The following PHYHD1 variants were observed in gnomAD, a reference collection of about 807,000 sequenced individuals.
The protein encoded by PHYHD1 is phytanoyl-CoA dioxygenase domain-containing protein 1.
In PHYHD1, 42 loss-of-function variants were observed where a neutral mutation model predicts 43.6. The observed-to-expected ratio is 0.96, with a 90% CI of 0.75 to 1.25. The LOEUF (loss-of-function observed/expected upper bound fraction) is 1.25. Ranked by LOEUF, PHYHD1 falls within the 50% of genes most tolerant of loss-of-function variation. PHYHD1 has a pLI of 0.00. For missense variants in PHYHD1, 342 were observed against 370.8 expected (o/e 0.92, Z 0.64); for synonymous variants, 139 against 143.6 (o/e 0.97, Z 0.23).
At chr9:128,928,102 C>T (rs1272507688) in intron 4 of PHYHD1, among the ~76,000 whole-genome samples, 3 of 152,200 alleles carry the variant, frequency 2.0e-5, no homozygotes, top group Non-Finnish European at 4.4e-5. Flanking sequence ...CCGAGGAGCA[C>T]CTGCCATCTG....
At position 128,921,164 on chromosome 9, in the gene PHYHD1, T is replaced by C. The variant is rs906997849; in HGVS notation, c.-664T>C. ...ACTCTGTCGTCCAGGCTGGAGTGAG[T>C]GCCGTGGCATGATCTCGGCTCACTG... is the stretch of plus-strand genomic sequence containing the variant. On this transcript the variant is annotated 5_prime_UTR_variant, in exon 1 of 13. Transcript: ENST00000372592. The C allele has an allele frequency of 2.6e-5, 4 of 152,400 alleles. No homozygotes were observed. The highest frequency in any genetic ancestry group is 9.7e-5 in the African/African-American group (4 of 41,400). 9.4% of individuals were successfully genotyped at this position (152,400 alleles called of 1,614,324 possible).
chr9:128,934,945 C>T (rs1841389665), intron 6 of PHYHD1, among the ~76,000 whole-genome samples: 1 of 152,100 alleles, frequency 6.6e-6, no homozygotes, highest in South Asian at 2.1e-4. Context: ...TGGGCATGTG[C>T]AGGCTCTCTA....
chr9:128,933,516 C>G (rs549334556), intron 4 of PHYHD1, among the ~76,000 whole-genome samples: 164 of 152,114 alleles, frequency 1.1e-3, no homozygotes, highest in Non-Finnish European at 2.1e-3. Flanking sequence ...TGCTAGGGAA[C>G]CAGCCCTATT....
intron 9 of PHYHD1, 153 bp downstream of exon 9, chr9:128,937,931 C>G: frequency 1.3e-6 from 2 of 1,523,446 alleles, no homozygotes; most frequent in Non-Finnish European, 1.8e-6. Flanking sequence ...ATTCCTTCCC[C>G]TGATAGTGGA....
At chr9:128,933,279 G>A (rs1017390864) in intron 4 of PHYHD1, among the ~76,000 whole-genome samples, 3 of 150,000 alleles carry the variant, frequency 2.0e-5, no homozygotes, top group Middle Eastern at 3.5e-3. Context: ...TCAGCCTCCC[G>A]GGTACCTGGG....
intron 3 of PHYHD1, among the ~76,000 whole-genome samples, chr9:128,925,062 T>C (rs945355018): frequency 3.3e-5 from 5 of 152,164 alleles, no homozygotes; most frequent in African/African-American, 1.2e-4. Context: ...TTGATACTGA[T>C]GTGATTAATT....
intron 4 of PHYHD1, among the ~76,000 whole-genome samples, chr9:128,931,774 G>C (rs148060099): frequency 6.6e-6 from 1 of 151,794 alleles, no homozygotes; most frequent in Non-Finnish European, 1.5e-5. Context: ...TGATCCGTCC[G>C]CCTCAGCCTC....
At chr9:128,922,841 C>A (rs1357022039) in intron 3 of PHYHD1, among the ~76,000 whole-genome samples, 4 of 151,588 alleles carry the variant, frequency 2.6e-5, no homozygotes, top group Non-Finnish European at 5.9e-5. Context: ...AAGTCTGTTA[C>A]AACAGCTACC....
chr9:128,922,892 A>G (rs1007797951), intron 3 of PHYHD1, among the ~76,000 whole-genome samples: 9 of 147,270 alleles, frequency 6.1e-5, no homozygotes, highest in African/African-American at 2.0e-4. Flanking sequence ...GAGGGTAGGG[A>G]GGAGACGGGG....
chr9:128,930,625 G>T (rs1470954240), intron 4 of PHYHD1, among the ~76,000 whole-genome samples: 3 of 147,858 alleles, frequency 2.0e-5, no homozygotes, highest in Non-Finnish European at 4.5e-5. Flanking sequence ...GTGAACCTCC[G>T]TCTCAAAAAA....
intron 3 of PHYHD1, among the ~76,000 whole-genome samples, chr9:128,922,872 G>GA (rs1193043398): frequency 3.1e-4 from 47 of 151,616 alleles, no homozygotes; most frequent in Non-Finnish European, 8.8e-5. Flanking sequence ...TGCTGGACAG[G>GA]TTTTTTTGGG....
Position 128,933,807 on chromosome 9 carries a change from G to A in PHYHD1, c.218G>A (p.Ser73Asn), listed in dbSNP as rs1399829032. 3 of 1,614,070 alleles carry A rather than the reference G, an allele frequency of 1.9e-6. No individual in the cohort carries two copies. The highest frequency in any genetic ancestry group is 2.5e-6 in the Non-Finnish European group (3 of 1,180,020). The change falls in exon 5 of 13, where the codon AGT (serine) becomes AAT (asparagine). Residue 73 changes from serine (S) to asparagine (N), a missense_variant. Coordinates refer to ENST00000372592, the MANE Select transcript of PHYHD1 (RefSeq NM_001100876.2). ...GGCAGCACAGACTATTTCTTGAGCA[G>A]TGGTGACAAGATTCGATTCTTCTTT... Reference protein sequence around the residue: ...AQGSTDYFLSSGDKIRFFFEK... With the variant: ...AQGSTDYFLSNGDKIRFFFEK...
Position 128,925,187 on chromosome 9 carries a change from T to C in PHYHD1, c.34-1851T>C, listed in dbSNP as rs554064632. ...TGTCCTTAACCGGAAACTAGGCTCT[T>C]TGTGGGTGTGTGCAGTAAGTGACTT... On this transcript the variant is annotated intron_variant, in intron 3 of 12. Transcript: ENST00000372592. 1.1e-4 allele frequency among the ~76,000 whole-genome samples: 16 copies of C among 151,852 alleles called. No individual in the cohort carries two copies. The Middle Eastern group carries it at 0.01, about 98-fold the overall frequency.
Position 128,937,959 on chromosome 9 carries a change from C to A in PHYHD1, c.457+181C>A, listed in dbSNP as rs1236956729. On this transcript the variant is annotated intron_variant, in intron 9 of 12. Transcript: ENST00000372592. ...ATAGTGGATTGGTAGGGAAACCTTG[C>A]GTCCTTGGCATAGTGGGTCCTGAGC... 2.7e-6 allele frequency: 4 copies of A among 1,482,706 alleles called. No homozygotes were observed. The East Asian group carries it at 7.5e-5, about 28-fold the overall frequency. 91.8% of individuals were successfully genotyped at this position (1,482,706 alleles called of 1,614,324 possible).
rs1011042626 is a variant in PHYHD1 at position 128,924,845 on chromosome 9, G to T, written c.34-2193G>T. On this transcript the variant is annotated intron_variant, in intron 3 of 12. Coordinates refer to ENST00000372592, the MANE Select transcript of PHYHD1 (RefSeq NM_001100876.2). ...AACTACTCGGGAGGCTGAGGCAGGA[G>T]AATCACTTAACCCTGAGAGGTAGAG... Among the ~76,000 whole-genome samples, 66 of 152,124 alleles carry T rather than the reference G, an allele frequency of 4.3e-4. 1 individual carries two copies. Among genetic ancestry groups the T allele is most frequent in the Non-Finnish European group, 8.1e-4 (55 of 68,034 alleles).
rs562420166 is a variant in PHYHD1, at chr9:128,932,528, C to T, written c.193-1254C>T. Among the ~76,000 whole-genome samples the T allele has an allele frequency of 1.1e-4, 16 of 152,064 alleles. No individual in the cohort carries two copies. In the South Asian group the frequency reaches 1.7e-3, roughly 16 times the overall value. The stretch of plus-strand genomic sequence containing the variant: ...GATTACAGGCATGCGCCACCATGCC[C>T]GGCTAATTTTGTAATTTTAGTAGAA... On this transcript the variant is annotated intron_variant, in intron 4 of 12. Transcript: ENST00000372592.
intron 2 of PHYHD1, 36 bp downstream of exon 2, chr9:128,922,083 A>G (rs943658380): frequency 8.2e-5 from 44 of 536,220 alleles, no homozygotes; most frequent in Non-Finnish European, 1.4e-4. Flanking sequence ...CAGAAGAAAC[A>G]CAGAGGAAGC....
chr9:128,934,131 CCTAA>C lies in PHYHD1; in HGVS notation c.316+79_316+82del, dbSNP rs1178118219. The C allele has an allele frequency of 3.9e-5, 58 of 1,482,792 alleles. 1 individual carries two copies. The South Asian group carries it at 4.2e-4, about 11-fold the overall frequency. 91.9% of individuals were successfully genotyped at this position (1,482,792 alleles called of 1,614,324 possible). Reference sequence around the variant, plus strand: ...GGGAGTGGTGGCTTACACTTGTAATCCTAACTAACACTTTGAGAAGTCAAGGTGG... The same window carrying C: ...GGGAGTGGTGGCTTACACTTGTAATCCTAACACTTTGAGAAGTCAAGGTGG... On this transcript the variant is annotated intron_variant, in intron 6 of 12. Transcript: ENST00000372592.
Position 128,940,480 on chromosome 9 carries a change from T to C in PHYHD1, c.569T>C (p.Ile190Thr), listed in dbSNP as rs749304201. 3 of 1,614,118 alleles carry C rather than the reference T, an allele frequency of 1.9e-6. No homozygotes were observed. Among genetic ancestry groups the C allele is most frequent in the Non-Finnish European group, 2.5e-6 (3 of 1,180,014 alleles). ...ATLENGCLWF[I>T]PGSHTSGVSR... ...CTGGAGAACGGCTGTCTCTGGTTCA[T>C]CCCTGGCTCCCACACCAGTGAGGAA... Residue 190 changes from isoleucine (I) to threonine (T), a missense_variant, in exon 10 of 13, where the codon ATC becomes ACC. Physicochemically the swap from Ile to Thr is moderately conservative, Grantham distance 89 (BLOSUM62 -1). Transcript: ENST00000372592.
Sources: gnomAD v4.1 joint callset for allele counts (sites outside exome capture counted in the v4.1 genomes callset) on GRCh38, gnomAD v4.1.1 for gene constraint, MANE v1.5 for transcripts, NCBI Gene and HGNC (gene_info 2026-07-23, HGNC 2026-07-21) for gene names.